Variants in TENM2 observed in about 807,000 individuals in gnomAD.
TENM2 encodes the protein teneurin-2.
In TENM2, 52 loss-of-function variants were observed where a neutral mutation model predicts 245.2. That is an observed-to-expected ratio of 0.21 (90% CI 0.17 to 0.27). The LOEUF is 0.27. Among genes scored for constraint, TENM2 ranks in the 10% least tolerant of loss-of-function variants. TENM2 has a pLI of 1.00. For missense variants in TENM2, 3,046 were observed against 3,666.8 expected (o/e 0.83, Z 4.37); for synonymous variants, 1,363 against 1,438.9 (o/e 0.95, Z 1.19).
At chr5:167,225,200 G>A in the TENM2 span, among the ~76,000 whole-genome samples, 2 of 151,988 alleles carry the variant, frequency 1.3e-5, no homozygotes, top group Non-Finnish European at 2.9e-5. Flanking sequence ...ATAGCACTGT[G>A]TTGAATTGGA....
Position 168,165,647 on chromosome 5 carries a change from A to ACCCCCCCCCCCCC in TENM2, c.2569+2890_2569+2891insCCCCCCCCCCCCC, listed in dbSNP as rs1562237614. Among the ~76,000 whole-genome samples, 3 of 15,874 alleles carry ACCCCCCCCCCCCC rather than the reference A, an allele frequency of 1.9e-4. 1 individual carries two copies. Among genetic ancestry groups the ACCCCCCCCCCCCC allele is most frequent in the Non-Finnish European group, 3.7e-4 (3 of 8,114 alleles). 10.4% of individuals were successfully genotyped at this position (15,874 alleles called of 152,430 possible). ...AGGCACAATTCAGGATCCCCCCCCC[A>ACCCCCCCCCCCCC]ACCCCCCCCCCCCCCCCGGCTGGCA... On this transcript the variant is annotated intron_variant, in intron 13 of 28. Transcript: ENST00000518659.
chr5:168,228,214 C>T (rs1242111293), intron 25 of TENM2, 84 bp downstream of exon 27: 1 of 1,132,414 alleles, frequency 8.8e-7, no homozygotes, highest in Non-Finnish European at 1.3e-6. Context: ...TTCTCTGTTA[C>T]CACAGAGTGG....
chr5:167,354,748 T>A (rs1407180344), intron 1 of TENM2, among the ~76,000 whole-genome samples: 1 of 152,218 alleles, frequency 6.6e-6, no homozygotes, highest in African/African-American at 2.4e-5. Flanking sequence ...TCTTCATAGT[T>A]TTGTTCTGAT....
At chr5:167,814,011 C>G (rs2151005130) in intron 2 of TENM2, among the ~76,000 whole-genome samples, 1 of 152,246 alleles carries the variant, frequency 6.6e-6, no homozygotes, top group African/African-American at 2.4e-5. Context: ...GTCCACCTTT[C>G]TTTTCTGACA....
intron 2 of TENM2, among the ~76,000 whole-genome samples, chr5:167,398,490 G>T (rs1327757405): frequency 6.8e-6 from 1 of 146,230 alleles, no homozygotes; most frequent in Non-Finnish European, 1.5e-5. Flanking sequence ...GAATGGAGTT[G>T]GCACCATCTT....
chr5:167,328,204 G>GTTTTTTTTTTTTTTTTTTTTTTTTTTT (rs70976412), intron 1 of TENM2, among the ~76,000 whole-genome samples: 1 of 91,016 alleles, frequency 1.1e-5, no homozygotes, highest in African/African-American at 4.8e-5. Flanking sequence ...TTCTCATATC[G>GTTTTTTTTTTTTTTTTTTTTTTTTTTT]TTTTTTTTTT....
At chr5:167,447,978 G>A (rs929904552) in intron 2 of TENM2, among the ~76,000 whole-genome samples, 2 of 152,152 alleles carry the variant, frequency 1.3e-5, no homozygotes, top group Admixed American at 1.3e-4. Context: ...TGGCTTGCAA[G>A]AGACAGCTGT....
intron 2 of TENM2, among the ~76,000 whole-genome samples, chr5:167,391,773 A>G (rs1581920000): frequency 6.6e-6 from 1 of 152,176 alleles, no homozygotes; most frequent in African/African-American, 2.4e-5. Context: ...ACAACTAAGT[A>G]GAAAGGCAAT....
the TENM2 span, among the ~76,000 whole-genome samples, chr5:167,154,408 C>T: frequency 6.6e-6 from 1 of 152,098 alleles, no homozygotes; most frequent in East Asian, 1.9e-4. Flanking sequence ...GCAAACTTGG[C>T]ATGAATCTGG....
chr5:167,301,109 G>A (rs780912008), intron 1 of TENM2, among the ~76,000 whole-genome samples: 2 of 152,162 alleles, frequency 1.3e-5, no homozygotes, highest in Non-Finnish European at 2.9e-5. Context: ...CTCAGCATCC[G>A]TGATGGCCTA....
chr5:167,064,838 T>C, the TENM2 span, among the ~76,000 whole-genome samples: 2 of 152,240 alleles, frequency 1.3e-5, no homozygotes, highest in Non-Finnish European at 2.9e-5. Flanking sequence ...GGGATTCTTA[T>C]TTTAATTGAA....
chr5:167,193,626 T>A, the TENM2 span, among the ~76,000 whole-genome samples: 2 of 150,640 alleles, frequency 1.3e-5, no homozygotes, highest in Non-Finnish European at 3.0e-5. Flanking sequence ...AGGTGTAGAT[T>A]TAAATTTGAA....
chr5:168,115,359 G>GGGAAGGAAGGGAAGGAAGGGAAGGAA, intron 9 of TENM2, among the ~76,000 whole-genome samples: 1 of 71,598 alleles, frequency 1.4e-5, no homozygotes, highest in Non-Finnish European at 2.5e-5. Flanking sequence ...AGGGAAGGAA[G>GGGAAGGAAGGGAAGGAAGGGAAGGAA]GGAAGGAAGG....
At chr5:167,309,329 A>C (rs1755878681) in intron 1 of TENM2, among the ~76,000 whole-genome samples, 1 of 152,214 alleles carries the variant, frequency 6.6e-6, no homozygotes. Context: ...AGCGATATGC[A>C]TTCAGCACAC....
chr5:167,735,495 G>A (rs1445886150), intron 2 of TENM2, among the ~76,000 whole-genome samples: 2 of 152,132 alleles, frequency 1.3e-5, no homozygotes, highest in Admixed American at 1.3e-4. Context: ...ATAAAAAGAG[G>A]GGGCTGGACT....
intron 2 of TENM2, among the ~76,000 whole-genome samples, chr5:167,607,715 T>G (rs1259737980): frequency 6.6e-6 from 1 of 152,226 alleles, no homozygotes; most frequent in Non-Finnish European, 1.5e-5. Context: ...TAGTCATTCA[T>G]GCTATCAATA....
intron 2 of TENM2, among the ~76,000 whole-genome samples, chr5:167,872,296 TAGAAAGAAAGAAAGAAAGAAA>T (rs1772901933): frequency 1.9e-5 from 2 of 104,528 alleles, no homozygotes; most frequent in Non-Finnish European, 3.6e-5. Flanking sequence ...AAGAGAAAGA[TAGAAAGAAAGAAAGAAAGAAA>T]GAAAGAAAGA....
At chr5:167,183,615 A>G in the TENM2 span, among the ~76,000 whole-genome samples, 5,204 of 152,240 alleles carry the variant, frequency 0.034, 296 homozygotes, top group African/African-American at 0.12. Context: ...ACTTGGGGAC[A>G]CACTTTTTCC....
At chr5:167,471,491 G>A (rs1213743361) in intron 2 of TENM2, among the ~76,000 whole-genome samples, 1 of 152,112 alleles carries the variant, frequency 6.6e-6, no homozygotes, top group Admixed American at 6.5e-5. Context: ...AATAATGTAA[G>A]AATTCAAGTT....
Sources: allele counts gnomAD v4.1 joint callset (sites outside exome capture counted in the v4.1 genomes callset), GRCh38; gene constraint gnomAD v4.1.1; transcripts MANE v1.5; gene names NCBI Gene and HGNC (gene_info 2026-07-23, HGNC 2026-07-21).